Variants in PEPD observed in about 807,000 individuals in gnomAD.
PEPD encodes peptidase D.
Under a neutral mutation model 60.7 loss-of-function variants are expected in PEPD, and 53 were observed. That is an observed-to-expected ratio of 0.87 (90% CI 0.70 to 1.10). The LOEUF (loss-of-function observed/expected upper bound fraction) is 1.10, where lower values mean the gene tolerates loss of function less well. PEPD is among the 50% of genes least tolerant of loss of function. The probability of loss-of-function intolerance (pLI) is 0.00; values close to 1 mark genes in which losing one functional copy is unlikely to be tolerated. For synonymous variants in PEPD, 267 were observed against 284.1 expected, an observed-to-expected ratio of 0.94 and a Z score of 0.60; for missense variants, 711 against 711.9, an observed-to-expected ratio of 1.00 and a Z score of 0.01.
intron 2 of PEPD, 80 bp from the exon 3 acceptor site, chr19:33,511,235 T>C: frequency 6.7e-7 from 1 of 1,498,452 alleles, no homozygotes. Context: ...CACAGCACCC[T>C]AGAGAGCCAG....
chr19:33,389,100 C>G (rs769183770), intron 13 of PEPD: 4 of 152,338 alleles, frequency 2.6e-5, no homozygotes, highest in Admixed American at 1.3e-4. Context: ...ACATCAGACT[C>G]CAATTAGCAG....
Position 33,468,086 on chromosome 19 carries a change from C to T in PEPD, c.549-4024G>A, listed in dbSNP as rs1466550850. 2.0e-5 allele frequency among the ~76,000 whole-genome samples: 3 copies of T among 152,106 alleles called. No homozygotes were observed. In the South Asian group the frequency reaches 6.2e-4, roughly 32 times the overall value. ...AATGATGGAGAGGCACGAGCCCTTT[C>T]GGTTTGGGGCTGGCCACCCGGTGAG... On this transcript the variant is annotated intron_variant, in intron 7 of 14. Transcript: ENST00000244137.
intron 6 of PEPD, among the ~76,000 whole-genome samples, chr19:33,482,990 T>C (rs985842033): frequency 3.3e-5 from 5 of 152,216 alleles, no homozygotes; most frequent in Admixed American, 6.5e-5. Context: ...TGTGAACATT[T>C]ATCATAATGG....
intron 12 of PEPD, among the ~76,000 whole-genome samples, chr19:33,399,520 C>A (rs1428518194): frequency 6.6e-6 from 1 of 151,918 alleles, no homozygotes; most frequent in Non-Finnish European, 1.5e-5. Flanking sequence ...CTGCCCCCAG[C>A]GTCCCTCCGC....
intron 9 of PEPD, among the ~76,000 whole-genome samples, chr19:33,435,234 C>T (rs1036749506): frequency 3.3e-5 from 5 of 152,210 alleles, no homozygotes; most frequent in African/African-American, 7.2e-5. Flanking sequence ...AAAGGCCCCT[C>T]GGCTGGGCCG....
intron 13 of PEPD, chr19:33,388,537 C>A (rs914088434): frequency 5.3e-5 from 15 of 283,408 alleles, no homozygotes; most frequent in Non-Finnish European, 9.2e-5. Context: ...GAAACTGGCC[C>A]CAGAAGTCGT....
At chr19:33,452,620 A>T (rs1969718367) in intron 9 of PEPD, among the ~76,000 whole-genome samples, 1 of 152,170 alleles carries the variant, frequency 6.6e-6, no homozygotes. Flanking sequence ...GATATAAAGG[A>T]GATATTTTAA....
intron 12 of PEPD, among the ~76,000 whole-genome samples, chr19:33,398,701 C>G (rs940595528): frequency 2.6e-5 from 4 of 152,246 alleles, no homozygotes; most frequent in African/African-American, 9.6e-5. Flanking sequence ...AGTGGCGCCC[C>G]TGGGCGACTG....
At chr19:33,495,914 G>A (rs1970593760) in intron 4 of PEPD, among the ~76,000 whole-genome samples, 1 of 152,164 alleles carries the variant, frequency 6.6e-6, no homozygotes, top group Admixed American at 6.5e-5. Context: ...CTGGGAGGCA[G>A]AGGTTTCAGT....
intron 4 of PEPD, among the ~76,000 whole-genome samples, chr19:33,499,052 T>C (rs1970661742): frequency 6.6e-6 from 1 of 152,082 alleles, no homozygotes; most frequent in South Asian, 2.1e-4. Context: ...AAAACGAGAA[T>C]GAAGGAGTAG....
At chr19:33,486,169 G>C (rs536313565) in intron 6 of PEPD, among the ~76,000 whole-genome samples, 1 of 152,104 alleles carries the variant, frequency 6.6e-6, no homozygotes, top group Non-Finnish European at 1.5e-5. Flanking sequence ...GTGTTCCAGG[G>C]AGCCTATCTT....
At chr19:33,393,037 C>G (rs1039479579) in intron 12 of PEPD, among the ~76,000 whole-genome samples, 21 of 152,084 alleles carry the variant, frequency 1.4e-4, no homozygotes, top group African/African-American at 3.9e-4. Flanking sequence ...ACGGCAGCAG[C>G]CTAAGGGTGG....
intron 6 of PEPD, among the ~76,000 whole-genome samples, chr19:33,482,334 T>C (rs1456492267): frequency 1.3e-5 from 2 of 151,938 alleles, no homozygotes; most frequent in East Asian, 3.9e-4. Context: ...ATAGAACACA[T>C]AATAAAACCA....
chr19:33,401,505 C>T (rs1400245299), intron 12 of PEPD, among the ~76,000 whole-genome samples: 2 of 152,200 alleles, frequency 1.3e-5, no homozygotes, highest in Non-Finnish European at 2.9e-5. Flanking sequence ...CTGAGCCCCG[C>T]AATTCCTGGT....
chr19:33,513,818 G>C (rs746134624), intron 1 of PEPD, among the ~76,000 whole-genome samples: 1 of 151,676 alleles, frequency 6.6e-6, no homozygotes, highest in Non-Finnish European at 1.5e-5. Context: ...AGCCTTTGCC[G>C]CTGCGGCGCC....
At chr19:33,421,075 C>A (rs1244199080) in intron 9 of PEPD, among the ~76,000 whole-genome samples, 2 of 152,156 alleles carry the variant, frequency 1.3e-5, no homozygotes, top group African/African-American at 4.8e-5. Context: ...GGGGGTGGGC[C>A]CCCGTGTGTT....
intron 10 of PEPD, among the ~76,000 whole-genome samples, chr19:33,412,428 G>T (rs1030088442): frequency 2.0e-5 from 3 of 152,202 alleles, no homozygotes; most frequent in African/African-American, 7.2e-5. Flanking sequence ...CTTTCCTGGT[G>T]GCCAAAGGGG....
chr19:33,405,452 C>T (rs954121675), intron 11 of PEPD, among the ~76,000 whole-genome samples: 50 of 152,266 alleles, frequency 3.3e-4, no homozygotes, highest in African/African-American at 1.2e-3. Flanking sequence ...TGCAGAAGCA[C>T]TGCAGACTCC....
Position 33,510,178 on chromosome 19 carries a change from A to C in PEPD, c.329+850T>G, listed in dbSNP as rs188015284. 2.7e-3 allele frequency among the ~76,000 whole-genome samples: 416 copies of C among 152,338 alleles called. 4 individuals carry two copies. The highest frequency in any genetic ancestry group is 6.2e-4 in the South Asian group (3 of 4,818). On this transcript the variant is annotated intron_variant, in intron 3 of 14. Transcript: ENST00000244137. The stretch of plus-strand genomic sequence containing the variant: ...GATTAACAAACTGCACTTCTAAACA[A>C]ACAAGGCCCCCAGTTGACAGGGCTC...
Sources: gnomAD v4.1 joint callset for allele counts (sites outside exome capture counted in the v4.1 genomes callset) on GRCh38, gnomAD v4.1.1 for gene constraint, MANE v1.5 for transcripts, NCBI Gene and HGNC (gene_info 2026-07-23, HGNC 2026-07-21) for gene names.